Variants in FOXN1 observed in about 807,000 individuals in gnomAD.
FOXN1 encodes forkhead box N1.
FOXN1 carries 15 observed loss-of-function variants against 49.0 expected under a neutral mutation model. That is an observed-to-expected ratio of 0.31 (90% CI 0.20 to 0.47). FOXN1 has a LOEUF of 0.47. FOXN1 is among the 20% of genes least tolerant of loss of function. The probability of loss-of-function intolerance (pLI) is 1.00; values close to 1 mark genes in which losing one functional copy is unlikely to be tolerated. For synonymous variants in FOXN1, 356 were observed against 369.0 expected, an observed-to-expected ratio of 0.96 and a Z score of 0.40; for missense variants, 800 against 842.8, an observed-to-expected ratio of 0.95 and a Z score of 0.63.
intron 5 of FOXN1, among the ~76,000 whole-genome samples, chr17:28,530,353 G>T (rs2069881617): frequency 6.6e-6 from 1 of 152,146 alleles, no homozygotes; most frequent in Admixed American, 6.5e-5. Context: ...CAACATTCAT[G>T]CAATTGGCTG....
intron 1 of FOXN1, among the ~76,000 whole-genome samples, chr17:28,508,877 AG>A (rs1177611211): frequency 6.6e-6 from 1 of 152,112 alleles, no homozygotes; most frequent in Admixed American, 6.5e-5. Flanking sequence ...TGGCTGGCAG[AG>A]GGGAGTTCAG....
At position 28,528,474 on chromosome 17, in the gene FOXN1, C is replaced by G. The variant is rs545862919; in HGVS notation, c.700-620C>G. Among the ~76,000 whole-genome samples the G allele has an allele frequency of 0.03, 8 of 264 alleles. No homozygotes were observed. The South Asian group carries it at 0.44, about 15-fold the overall frequency. The allele number at this position is 264 out of a possible 152,430, so 0.2% of individuals were successfully genotyped here. A position where few individuals can be genotyped will look rare whatever the true frequency, so the allele number is the denominator to read the frequency against. ...ACCCAGGGCTTTATGGAGCCTGGACCGAGGTGACTCAGGCACTAAATGTCT... is the reference window on the plus strand; with the variant it reads ...ACCCAGGGCTTTATGGAGCCTGGACGGAGGTGACTCAGGCACTAAATGTCT... On this transcript the variant is annotated intron_variant, in intron 4 of 8. Transcript: ENST00000579795.
chr17:28,529,340 C>G, intron 5 of FOXN1, 116 bp downstream of exon 5: 1 of 1,283,288 alleles, frequency 7.8e-7, no homozygotes, highest in East Asian at 2.3e-5. Context: ...GAAATCATAC[C>G]AGTGGGCTTC....
rs2069708790 is a variant in FOXN1, at chr17:28,524,158, C to T, written c.123+66C>T. ...TGCGGCTGCCCAGGCAACAAGAAGA[C>T]CAGTCACCTTACCGCCCCCAGGGAC... On this transcript the variant is annotated intron_variant, in intron 2 of 8. Coordinates refer to ENST00000579795, the MANE Select transcript of FOXN1 (RefSeq NM_001369369.1). 3.3e-6 allele frequency: 5 copies of T among 1,504,968 alleles called. No homozygotes were observed. In the African/African-American group the frequency reaches 4.2e-5, roughly 13 times the overall value. The allele number at this position is 1,504,968 out of a possible 1,614,324, so 93.2% of individuals were successfully genotyped here.
chr17:28,516,410 C>T lies in FOXN1; in HGVS notation c.-14-7546C>T, dbSNP rs546875710. 2.5e-3 allele frequency among the ~76,000 whole-genome samples: 371 copies of T among 150,906 alleles called. 7 individuals carry two copies. The South Asian group carries it at 0.029, about 12-fold the overall frequency. ...CACCTCCACAGGATCCATACCATCA[C>T]GGGGTACATGCCTCCACAGAGTACA... On this transcript the variant is annotated intron_variant, in intron 1 of 8. Transcript: ENST00000579795.
rs945908720 is a variant in FOXN1 at position 28,524,859 on chromosome 17, G to T, written c.480G>T (p.Glu160Asp). ...KTPGPLEAFEEIPVDVAEAEA... is the reference protein window; with the variant it reads ...KTPGPLEAFEDIPVDVAEAEA... ...CAGGGCCGCTGGAGGCCTTCGAGGA[G>T]ATCCCAGTGGACGTGGCGGAGGCCG... The change falls in exon 3 of 9, where the codon GAG becomes GAT. Residue 160 changes from glutamate (E) to aspartate (D), a missense_variant. By Grantham distance (45) the Glu-to-Asp change is conservative. Transcript: ENST00000579795. 4 of 1,613,634 alleles carry T rather than the reference G, an allele frequency of 2.5e-6. No homozygotes were observed. The African/African-American group carries it at 5.3e-5, about 22-fold the overall frequency.
In FOXN1 at chr17:28,537,199, G is replaced by C; in HGVS notation, c.1710G>C (p.Ser570=). 3 of 1,613,772 alleles carry C rather than the reference G, an allele frequency of 1.9e-6. No individual in the cohort carries two copies. The highest frequency in any genetic ancestry group is 2.5e-6 in the Non-Finnish European group (3 of 1,179,834). ...VLVTSSPTSS[S]MPPPQPPPHC... ...TGACCTCATCCCCGACATCATCTTC[G>C]ATGCCACCACCCCAGCCACCACCTC... is the stretch of plus-strand genomic sequence containing the variant. The change falls in exon 9 of 9, where the codon TCG becomes TCC. Residue 570 remains serine (S), a synonymous_variant. Coordinates refer to ENST00000579795, the MANE Select transcript of FOXN1 (RefSeq NM_001369369.1).
At chr17:28,506,951 T>C (rs782265770) in intron 1 of FOXN1, among the ~76,000 whole-genome samples, 1 of 152,190 alleles carries the variant, frequency 6.6e-6, no homozygotes, top group Non-Finnish European at 1.5e-5. Context: ...GGGGTCTAGA[T>C]GCCTGGGCCC....
At chr17:28,524,450 C>A in intron 2 of FOXN1, 53 bp from the exon 3 acceptor site, 1 of 1,508,878 alleles carries the variant, frequency 6.6e-7, no homozygotes. Flanking sequence ...CCAGCCAGTC[C>A]CCAGGCCTGG....
intron 1 of FOXN1, among the ~76,000 whole-genome samples, chr17:28,508,879 G>A (rs555538521): frequency 1.3e-5 from 2 of 152,264 alleles, no homozygotes; most frequent in East Asian, 3.9e-4. Context: ...GCTGGCAGAG[G>A]GGAGTTCAGG....
intron 1 of FOXN1, among the ~76,000 whole-genome samples, chr17:28,512,968 T>C (rs16964402): frequency 0.017 from 2,561 of 152,290 alleles, 77 homozygotes; most frequent in African/African-American, 0.058. Context: ...GGGGTCCTAG[T>C]AGGTATGTCT....
chr17:28,519,184 G>T (rs1567874765), intron 1 of FOXN1, among the ~76,000 whole-genome samples: 1 of 152,136 alleles, frequency 6.6e-6, no homozygotes. Flanking sequence ...AGTGCAGAGG[G>T]GCTGGGCGCG....
chr17:28,529,581 C>A (rs78473546), intron 5 of FOXN1, among the ~76,000 whole-genome samples: 3,075 of 152,240 alleles, frequency 0.02, 94 homozygotes, highest in African/African-American at 0.07. Context: ...AGACGGAAGC[C>A]CCCCTCAAAG....
At chr17:28,516,251 T>A (rs769484664) in intron 1 of FOXN1, among the ~76,000 whole-genome samples, 2 of 109,218 alleles carry the variant, frequency 1.8e-5, no homozygotes, top group Non-Finnish European at 3.8e-5. Flanking sequence ...AGGATACACA[T>A]CTCCACAGAA....
intron 8 of FOXN1, among the ~76,000 whole-genome samples, chr17:28,536,037 G>A (rs570155855): frequency 3.3e-5 from 5 of 152,126 alleles, no homozygotes; most frequent in South Asian, 2.1e-4. Context: ...ACCCATTCCC[G>A]TCTAAATTCC....
intron 1 of FOXN1, among the ~76,000 whole-genome samples, chr17:28,508,077 G>T (rs2069303839): frequency 6.6e-6 from 1 of 152,164 alleles, no homozygotes; most frequent in Non-Finnish European, 1.5e-5. Context: ...GCCTGCCGAG[G>T]CACGCTGCAC....
chr17:28,507,329 A>C (rs1555606278), intron 1 of FOXN1, among the ~76,000 whole-genome samples: 3 of 152,100 alleles, frequency 2.0e-5, no homozygotes. Context: ...ATATCCAAAG[A>C]AGCCCGTTGG....
intron 1 of FOXN1, among the ~76,000 whole-genome samples, chr17:28,510,222 G>A (rs1555606783): frequency 6.6e-6 from 1 of 152,060 alleles, no homozygotes; most frequent in Non-Finnish European, 1.5e-5. Context: ...ACCCTCCGGG[G>A]CCTTCAGGGC....
At chr17:28,523,625 A>C (rs2151485719) in intron 1 of FOXN1, among the ~76,000 whole-genome samples, 1 of 152,258 alleles carries the variant, frequency 6.6e-6, no homozygotes, top group East Asian at 1.9e-4. Context: ...CCCAGCTGGG[A>C]GCCGGGGTTT....
Sources: gnomAD v4.1 joint callset for allele counts (sites outside exome capture counted in the v4.1 genomes callset) on GRCh38, gnomAD v4.1.1 for gene constraint, MANE v1.5 for transcripts, NCBI Gene and HGNC (gene_info 2026-07-23, HGNC 2026-07-21) for gene names.